HGD: variants seen among roughly 807,000 people sequenced by gnomAD.
The protein encoded by HGD is homogentisate oxidase.
In HGD, 61 loss-of-function variants were observed where a neutral mutation model predicts 60.8. That is an observed-to-expected ratio of 1.00 (90% CI 0.82 to 1.24). HGD has a LOEUF of 1.24. HGD is among the 50% of genes most tolerant of loss of function. HGD has a pLI of 0.00. For synonymous variants in HGD, 212 were observed against 187.7 expected (o/e 1.13, Z -1.06); for missense variants, 542 against 547.1 (o/e 0.99, Z 0.09).
intron 6 of HGD, among the ~76,000 whole-genome samples, chr3:120,650,344 C>CA (rs769010694): frequency 9.2e-5 from 14 of 152,218 alleles, no homozygotes; most frequent in Non-Finnish European, 1.8e-4. Context: ...AGCTGTAGCC[C>CA]AATCACCTTG....
chr3:120,655,930 T>C (rs1207829804), intron 4 of HGD, among the ~76,000 whole-genome samples: 2 of 152,248 alleles, frequency 1.3e-5, no homozygotes, highest in Admixed American at 6.5e-5. Context: ...AAGTAAAGGA[T>C]GCTTGCTGAC....
At chr3:120,673,299 C>A (rs968876001) in intron 3 of HGD, among the ~76,000 whole-genome samples, 7 of 152,198 alleles carry the variant, frequency 4.6e-5, no homozygotes, top group African/African-American at 1.4e-4. Context: ...GAAATGCCAA[C>A]AGCTCCTTTT....
At chr3:120,675,027 C>T (rs1363094218) in intron 2 of HGD, 38 bp from the exon 3 acceptor site, 1 of 1,432,758 alleles carries the variant, frequency 7.0e-7, no homozygotes, top group Non-Finnish European at 9.8e-7. Flanking sequence ...TTACTCCCAT[C>T]CGAAAAGCAT....
rs527742131 is a variant in HGD, at chr3:120,629,237, A to G, written c.1189-708T>C. ...CATCTTAGACATTACAGCTTCATCAATTGCTGACTTTTCTTATCCACTGTG... is the reference window on the plus strand; with the variant it reads ...CATCTTAGACATTACAGCTTCATCAGTTGCTGACTTTTCTTATCCACTGTG... On this transcript the variant is annotated intron_variant, in intron 13 of 13. Coordinates refer to ENST00000283871, the MANE Select transcript of HGD (RefSeq NM_000187.4). 7.2e-5 allele frequency among the ~76,000 whole-genome samples: 11 copies of G among 152,326 alleles called. No homozygotes were observed. In the East Asian group the frequency reaches 9.7e-4, roughly 13 times the overall value.
intron 12 of HGD, among the ~76,000 whole-genome samples, chr3:120,635,149 G>A (rs2107492529): frequency 6.6e-6 from 1 of 152,214 alleles, no homozygotes; most frequent in African/African-American, 2.4e-5. Context: ...ATATTTCAAA[G>A]GACAGTGGGA....
At chr3:120,646,405 C>A in intron 8 of HGD, 39 bp from the exon 9 acceptor site, 1 of 1,310,986 alleles carries the variant, frequency 7.6e-7, no homozygotes, top group Non-Finnish European at 1.1e-6. Context: ...CCTCTGAAAT[C>A]ACAGCTGTAG....
At chr3:120,646,472 G>A in intron 8 of HGD, 106 bp from the exon 9 acceptor site, 1 of 791,552 alleles carries the variant, frequency 1.3e-6, no homozygotes, top group East Asian at 2.4e-5. Flanking sequence ...TAAAGCTCTT[G>A]TTTGTTGAGC....
chr3:120,632,087 T>C (rs1388218392), intron 13 of HGD, among the ~76,000 whole-genome samples: 2 of 152,084 alleles, frequency 1.3e-5, no homozygotes, highest in Non-Finnish European at 2.9e-5. Flanking sequence ...CTACAGAAAC[T>C]CCATAGAGGC....
At chr3:120,672,166 C>G (rs1482319659) in intron 3 of HGD, among the ~76,000 whole-genome samples, 1 of 152,194 alleles carries the variant, frequency 6.6e-6, no homozygotes, top group African/African-American at 2.4e-5. Flanking sequence ...AATAAATTAA[C>G]ACTTCTGTAC....
At chr3:120,650,198 A>G (rs764688519) in intron 6 of HGD, among the ~76,000 whole-genome samples, 10 of 152,154 alleles carry the variant, frequency 6.6e-5, no homozygotes, top group Non-Finnish European at 2.9e-5. Flanking sequence ...TAAGTTCTCT[A>G]TTTCTCTGTT....
chr3:120,644,898 C>T (rs1458255556), intron 9 of HGD, among the ~76,000 whole-genome samples: 1 of 152,154 alleles, frequency 6.6e-6, no homozygotes, highest in African/African-American at 2.4e-5. Flanking sequence ...GCTCCCTAGA[C>T]AGAACTCAGA....
chr3:120,628,755 C>A (rs1940495658), intron 13 of HGD, among the ~76,000 whole-genome samples: 1 of 152,104 alleles, frequency 6.6e-6, no homozygotes, highest in South Asian at 2.1e-4. Context: ...CTTCTCAGGG[C>A]CTCAAGTTTC....
chr3:120,640,121 G>T, intron 11 of HGD, among the ~76,000 whole-genome samples: 1 of 147,932 alleles, frequency 6.8e-6, no homozygotes, highest in Non-Finnish European at 1.5e-5. Flanking sequence ...GAAAGAAAAA[G>T]AGAGAGAGAA....
At chr3:120,662,087 G>A (rs752724016) in intron 4 of HGD, among the ~76,000 whole-genome samples, 9 of 152,184 alleles carry the variant, frequency 5.9e-5, no homozygotes, top group Non-Finnish European at 1.0e-4. Flanking sequence ...AATGACGATG[G>A]TTCTAGTGTG....
At chr3:120,675,757 T>A (rs2733825) in intron 2 of HGD, 35 bp downstream of exon 2, 244,949 of 1,539,046 alleles carry the variant, frequency 0.16, 20,800 homozygotes, top group Middle Eastern at 0.25. Context: ...AGGAATAGGA[T>A]TCAGAGCTCT....
In HGD at chr3:120,650,807, T is replaced by C. The variant is rs1941316940; in HGVS notation, c.401A>G (p.His134Arg). 1 of 1,614,120 alleles carries C rather than the reference T, an allele frequency of 6.2e-7. No individual in the cohort carries two copies. The highest frequency in any genetic ancestry group is 1.7e-5 in the Admixed American group (1 of 60,026). The change falls in exon 6 of 14, where the codon CAC becomes CGC. Residue 134 changes from histidine to arginine, a missense_variant. By Grantham distance (29) the His-to-Arg change is conservative. Around this residue, in one of 2 missense-constraint regions of HGD, gnomAD observed 537 missense variants for 529.1 expected, o/e 1.01. Transcript: ENST00000283871. ...CATGGAGGTATTGCAGAGGAAAATG[T>C]GGATAGCAAGCCCATTGTTAGACTT... Reference protein sequence around the residue: ...DIKSNNGLAIHIFLCNTSMEN... With the variant: ...DIKSNNGLAIRIFLCNTSMEN...
At chr3:120,675,498 C>T (rs1284887481) in intron 2 of HGD, among the ~76,000 whole-genome samples, 1 of 152,108 alleles carries the variant, frequency 6.6e-6, no homozygotes, top group Non-Finnish European at 1.5e-5. Context: ...TGCTCACATC[C>T]ATGGTGTTCA....
chr3:120,661,605 G>A (rs1229974418), intron 4 of HGD, among the ~76,000 whole-genome samples: 2 of 152,206 alleles, frequency 1.3e-5, no homozygotes, highest in Non-Finnish European at 2.9e-5. Context: ...CTGGCACAGG[G>A]CCTATTTAAC....
At chr3:120,654,316 G>T (rs575675836) in intron 4 of HGD, among the ~76,000 whole-genome samples, 3 of 152,280 alleles carry the variant, frequency 2.0e-5, no homozygotes, top group Admixed American at 2.0e-4. Flanking sequence ...GGCCACTCAT[G>T]AGAATCACAT....
Sources: allele counts gnomAD v4.1 joint callset (sites outside exome capture counted in the v4.1 genomes callset), GRCh38; gene constraint gnomAD v4.1.1; regional missense constraint gnomAD v4.1.1; transcripts MANE v1.5; gene names NCBI Gene and HGNC (gene_info 2026-07-23, HGNC 2026-07-21).